The following DYM variants were observed in gnomAD, a reference collection of about 807,000 sequenced individuals.
DYM encodes dymeclin, also known as dyggve-Melchior-Clausen syndrome protein.
DYM carries 78 observed loss-of-function variants against 93.1 expected under a neutral mutation model. The observed-to-expected ratio is 0.84, with a 90% CI of 0.70 to 1.01. The LOEUF (loss-of-function observed/expected upper bound fraction) is 1.01. Among genes scored for constraint, DYM ranks in the 50% least tolerant of loss-of-function variants. The pLI is 0.00. For synonymous variants in DYM, 321 were observed against 319.7 expected, an observed-to-expected ratio of 1.00 and a Z score of -0.04; for missense variants, 789 against 845.0, an observed-to-expected ratio of 0.93 and a Z score of 0.82.
intron 11 of DYM, among the ~76,000 whole-genome samples, chr18:49,264,942 A>G (rs1235498330): frequency 6.6e-6 from 1 of 152,238 alleles, no homozygotes; most frequent in Admixed American, 6.5e-5. Flanking sequence ...ACTAGGAGCT[A>G]TACTACAAAA....
intron 2 of DYM, among the ~76,000 whole-genome samples, chr18:49,422,974 A>G (rs2073887274): frequency 1.3e-5 from 2 of 152,326 alleles, no homozygotes; most frequent in South Asian, 4.1e-4. Flanking sequence ...CACTGTCAAC[A>G]TTAGACAGAT....
At chr18:49,315,598 T>A (rs918523103) in intron 8 of DYM, among the ~76,000 whole-genome samples, 1 of 152,206 alleles carries the variant, frequency 6.6e-6, no homozygotes, top group Non-Finnish European at 1.5e-5. Flanking sequence ...ACTGACTACA[T>A]GAAAGACTAA....
intron 14 of DYM, among the ~76,000 whole-genome samples, chr18:49,178,889 ATGTTTAACCATGTAACC>A (rs549344923): frequency 5.9e-5 from 9 of 152,202 alleles, no homozygotes; most frequent in African/African-American, 2.2e-4. Context: ...ACTGTAATTA[ATGTTTAACCATGTAACC>A]CCCCCACCAC....
intron 2 of DYM, among the ~76,000 whole-genome samples, chr18:49,408,283 T>G (rs2071760582): frequency 6.6e-6 from 1 of 152,230 alleles, no homozygotes; most frequent in African/African-American, 2.4e-5. Context: ...GTTGTTCCAG[T>G]GTGCAGATGC....
At chr18:49,059,504 C>T (rs1248257255) in intron 17 of DYM, among the ~76,000 whole-genome samples, 1 of 152,182 alleles carries the variant, frequency 6.6e-6, no homozygotes, top group East Asian at 1.9e-4. Flanking sequence ...ATCTTTGCCA[C>T]CTGGTTGATG....
At chr18:49,050,905 G>A (rs2072357360) in intron 17 of DYM, among the ~76,000 whole-genome samples, 1 of 152,116 alleles carries the variant, frequency 6.6e-6, no homozygotes, top group Admixed American at 6.5e-5. Flanking sequence ...CTTAAGGCAC[G>A]TTTGCTGAAT....
intron 16 of DYM, among the ~76,000 whole-genome samples, chr18:49,111,900 C>T (rs2081432055): frequency 6.6e-6 from 1 of 152,162 alleles, no homozygotes; most frequent in South Asian, 2.1e-4. Context: ...TTTCTCTTCC[C>T]TTTCTTCCGA....
chr18:49,113,324 T>C (rs1180097589), intron 16 of DYM, among the ~76,000 whole-genome samples: 1 of 152,198 alleles, frequency 6.6e-6, no homozygotes, highest in Non-Finnish European at 1.5e-5. Context: ...AGACAATTTA[T>C]TTTATGTTCT....
intron 17 of DYM, among the ~76,000 whole-genome samples, chr18:49,066,095 C>G (rs543252961): frequency 6.6e-6 from 1 of 151,774 alleles, no homozygotes; most frequent in Non-Finnish European, 1.5e-5. Context: ...AGTGTAACAA[C>G]TAAATAGGTT....
At chr18:49,119,186 A>T (rs575029596) in intron 15 of DYM, among the ~76,000 whole-genome samples, 1 of 152,322 alleles carries the variant, frequency 6.6e-6, no homozygotes, top group South Asian at 2.1e-4. Flanking sequence ...ACCAATCTAG[A>T]GGGAAATTTG....
chr18:49,163,933 A>T (rs772539548), intron 14 of DYM, 146 bp from the exon 15 acceptor site: 8 of 630,392 alleles, frequency 1.3e-5, no homozygotes, highest in Non-Finnish European at 2.0e-5. Context: ...TAACAGCAAG[A>T]TTAATAATAG....
intron 17 of DYM, among the ~76,000 whole-genome samples, chr18:49,072,473 T>C (rs1869898067): frequency 6.6e-6 from 1 of 152,228 alleles, no homozygotes; most frequent in African/African-American, 2.4e-5. Flanking sequence ...CACTCCAACC[T>C]TTCCCCTGTG....
At chr18:49,216,593 C>A (rs932111958) in intron 13 of DYM, among the ~76,000 whole-genome samples, 2 of 152,172 alleles carry the variant, frequency 1.3e-5, no homozygotes, top group African/African-American at 4.8e-5. Context: ...ATTCGTGGTT[C>A]ATGAAAATCC....
intron 14 of DYM, among the ~76,000 whole-genome samples, chr18:49,169,195 A>G (rs184592347): frequency 6.6e-6 from 1 of 152,310 alleles, no homozygotes; most frequent in Admixed American, 6.5e-5. Context: ...ACGTGCCTAA[A>G]TAGACTGGAG....
intron 16 of DYM, among the ~76,000 whole-genome samples, chr18:49,100,572 A>G (rs2080033572): frequency 6.6e-6 from 1 of 152,188 alleles, no homozygotes; most frequent in African/African-American, 2.4e-5. Context: ...TATGTTTTAA[A>G]GCTGACATTC....
intron 15 of DYM, among the ~76,000 whole-genome samples, chr18:49,133,531 CTCT>C (rs2083563731): frequency 6.6e-6 from 1 of 152,210 alleles, no homozygotes; most frequent in Admixed American, 6.5e-5. Context: ...GGGAGAGAAT[CTCT>C]TCTGAGTTCA....
chr18:49,231,952 G>A (rs1414222294), intron 13 of DYM, among the ~76,000 whole-genome samples: 1 of 152,146 alleles, frequency 6.6e-6, no homozygotes, highest in East Asian at 1.9e-4. Context: ...TTGGAGACAA[G>A]AAAACTTAGT....
chr18:49,191,848 T>G (rs1445719978), intron 14 of DYM, among the ~76,000 whole-genome samples: 1 of 152,168 alleles, frequency 6.6e-6, no homozygotes, highest in East Asian at 1.9e-4. Context: ...AAAGGATTAT[T>G]AAGAGGCAAA....
At chr18:49,321,449 A>C in intron 8 of DYM, 1 of 397,844 alleles carries the variant, frequency 2.5e-6, no homozygotes, top group Non-Finnish European at 4.4e-6. Context: ...ACTGGTTTAA[A>C]AGTGGTTGTC....
Sources: gnomAD v4.1 joint callset for allele counts (sites outside exome capture counted in the v4.1 genomes callset) on GRCh38, gnomAD v4.1.1 for gene constraint, MANE v1.5 for transcripts, NCBI Gene and HGNC (gene_info 2026-07-23, HGNC 2026-07-21) for gene names.